TRABD2B: variants seen among roughly 807,000 people sequenced by gnomAD.
The protein encoded by TRABD2B is metalloprotease TIKI2.
TRABD2B carries 14 observed loss-of-function variants against 40.1 expected under a neutral mutation model. The observed-to-expected ratio is 0.35, with a 90% confidence interval of 0.23 to 0.55. TRABD2B has a LOEUF of 0.55. TRABD2B is among the 20% of genes least tolerant of loss of function. The pLI, the probability that TRABD2B is intolerant of heterozygous loss-of-function variation, is 0.90. For missense variants in TRABD2B, 541 were observed against 648.6 expected (o/e 0.83, Z 1.80); for synonymous variants, 263 against 277.0 (o/e 0.95, Z 0.50).
At chr1:47,937,088 T>C (rs1422320721) in intron 2 of TRABD2B, among the ~76,000 whole-genome samples, 25 of 83,504 alleles carry the variant, frequency 3.0e-4, no homozygotes, top group African/African-American at 4.3e-4. Flanking sequence ...TCATCACCAC[T>C]ACCATGATCA....
chr1:47,812,965 T>C (rs1644985004), intron 2 of TRABD2B, among the ~76,000 whole-genome samples: 1 of 152,166 alleles, frequency 6.6e-6, no homozygotes, highest in Non-Finnish European at 1.5e-5. Flanking sequence ...AGAGATGAGC[T>C]GACTGAGGCC....
chr1:47,912,284 C>A (rs1169624075), intron 2 of TRABD2B, among the ~76,000 whole-genome samples: 1 of 152,156 alleles, frequency 6.6e-6, no homozygotes, highest in Non-Finnish European at 1.5e-5. Flanking sequence ...TTTTCTACCA[C>A]AAGATGTAAA....
intron 2 of TRABD2B, among the ~76,000 whole-genome samples, chr1:47,935,091 T>C (rs947055701): frequency 1.3e-5 from 2 of 152,188 alleles, no homozygotes; most frequent in African/African-American, 4.8e-5. Flanking sequence ...CACCCGCAGG[T>C]AGACAAGTAG....
intron 2 of TRABD2B, among the ~76,000 whole-genome samples, chr1:47,905,890 G>T (rs1644670010): frequency 6.6e-6 from 1 of 152,176 alleles, no homozygotes; most frequent in Non-Finnish European, 1.5e-5. Context: ...AGGGCTACCT[G>T]ATGGTTGTTG....
intron 2 of TRABD2B, among the ~76,000 whole-genome samples, chr1:47,991,188 C>T (rs1472918182): frequency 2.6e-5 from 4 of 152,022 alleles, no homozygotes; most frequent in Admixed American, 6.5e-5. Context: ...TTATTAGCCA[C>T]GTGACCTTGG....
chr1:47,878,861 C>A (rs1264266357), intron 2 of TRABD2B, among the ~76,000 whole-genome samples: 1 of 152,096 alleles, frequency 6.6e-6, no homozygotes, highest in Non-Finnish European at 1.5e-5. Flanking sequence ...CTATGGGAGG[C>A]TGAGGTAGGA....
At chr1:47,810,372 C>A (rs1029158651) in intron 2 of TRABD2B, among the ~76,000 whole-genome samples, 1 of 152,018 alleles carries the variant, frequency 6.6e-6, no homozygotes, top group Non-Finnish European at 1.5e-5. Flanking sequence ...CCCCTGCCCC[C>A]CCGCCACCCA....
At chr1:47,987,750 A>G (rs1204453994) in intron 2 of TRABD2B, among the ~76,000 whole-genome samples, 1 of 152,184 alleles carries the variant, frequency 6.6e-6, no homozygotes, top group African/African-American at 2.4e-5. Flanking sequence ...GGTCCCTGCT[A>G]GGGGACACCC....
intron 4 of TRABD2B, among the ~76,000 whole-genome samples, chr1:47,783,891 A>G (rs1644559580): frequency 6.6e-6 from 1 of 151,950 alleles, no homozygotes; most frequent in Non-Finnish European, 1.5e-5. Context: ...AGAACACCCC[A>G]CTCATCAATT....
intron 2 of TRABD2B, among the ~76,000 whole-genome samples, chr1:47,827,212 T>C (rs886572609): frequency 1.3e-5 from 2 of 152,172 alleles, no homozygotes; most frequent in Non-Finnish European, 2.9e-5. Context: ...GGGTGTGTAA[T>C]GGAGGAGACA....
intron 2 of TRABD2B, among the ~76,000 whole-genome samples, chr1:47,890,209 G>A (rs1644425491): frequency 6.6e-6 from 1 of 152,218 alleles, no homozygotes; most frequent in Non-Finnish European, 1.5e-5. Context: ...GGTTGGAAAT[G>A]GTAGAAGTAA....
At chr1:47,866,742 A>G (rs1644063480) in intron 2 of TRABD2B, among the ~76,000 whole-genome samples, 1 of 152,114 alleles carries the variant, frequency 6.6e-6, no homozygotes, top group South Asian at 2.1e-4. Context: ...CTGTGATGCA[A>G]TCCAATGGTT....
chr1:47,836,209 G>A (rs1020807725), intron 2 of TRABD2B, among the ~76,000 whole-genome samples: 24 of 152,196 alleles, frequency 1.6e-4, no homozygotes, highest in Non-Finnish European at 3.2e-4. Context: ...ATGACCTTGG[G>A]CAAGTAATGC....
At chr1:47,888,445 C>T (rs1644402550) in intron 2 of TRABD2B, among the ~76,000 whole-genome samples, 1 of 152,182 alleles carries the variant, frequency 6.6e-6, no homozygotes, top group South Asian at 2.1e-4. Context: ...TCACCCCATA[C>T]AAGGCTGGGC....
chr1:47,865,779 A>T (rs1429640751), intron 2 of TRABD2B, among the ~76,000 whole-genome samples: 1 of 152,138 alleles, frequency 6.6e-6, no homozygotes, highest in Non-Finnish European at 1.5e-5. Context: ...TTCACACCAG[A>T]CTACGGCTCT....
intron 2 of TRABD2B, among the ~76,000 whole-genome samples, chr1:47,911,508 G>A (rs1420149765): frequency 1.3e-5 from 2 of 152,250 alleles, no homozygotes; most frequent in African/African-American, 4.8e-5. Flanking sequence ...AGTCACAGAA[G>A]TGGCTGGACT....
At chr1:47,872,634 C>T (rs931095337) in intron 2 of TRABD2B, among the ~76,000 whole-genome samples, 10 of 152,112 alleles carry the variant, frequency 6.6e-5, no homozygotes, top group African/African-American at 2.4e-4. Context: ...AGAAGTAAGG[C>T]CAAGGAAGAG....
intron 6 of TRABD2B, 56 bp downstream of exon 6, chr1:47,775,114 T>C: frequency 8.1e-7 from 1 of 1,231,514 alleles, no homozygotes. Flanking sequence ...GTTCAGGGTA[T>C]ACTATCCCGG....
At chr1:47,907,990 T>G (rs1014853021) in intron 2 of TRABD2B, among the ~76,000 whole-genome samples, 1 of 152,126 alleles carries the variant, frequency 6.6e-6, no homozygotes, top group Non-Finnish European at 1.5e-5. Flanking sequence ...GTATTTCTTT[T>G]CTTTTCTCAT....
Sources: allele counts gnomAD v4.1 joint callset (sites outside exome capture counted in the v4.1 genomes callset), GRCh38; gene constraint gnomAD v4.1.1; transcripts MANE v1.5; gene names NCBI Gene and HGNC (gene_info 2026-07-23, HGNC 2026-07-21).